Variants in DYNC1H1 observed in about 807,000 individuals in gnomAD.
DYNC1H1 encodes the protein dynein cytoplasmic 1 heavy chain 1, also known as cytoplasmic dynein 1 heavy chain 1.
In DYNC1H1, 51 loss-of-function variants were observed where a neutral mutation model predicts 527.1. That is an observed-to-expected ratio of 0.10 (90% CI 0.08 to 0.12). The LOEUF (loss-of-function observed/expected upper bound fraction) is 0.12. Among genes scored for constraint, DYNC1H1 ranks in the 10% least tolerant of loss-of-function variants. The probability of loss-of-function intolerance (pLI) is 1.00; values close to 1 mark genes in which losing one functional copy is unlikely to be tolerated. For synonymous variants in DYNC1H1, 2,189 were observed against 2,278.8 expected, an observed-to-expected ratio of 0.96 and a Z score of 1.12; for missense variants, 2,771 against 5,971.8, an observed-to-expected ratio of 0.46 and a Z score of 17.66.
In DYNC1H1 at chr14:101,982,117, C is replaced by T. The variant is rs557410435; in HGVS notation, c.962-902C>T. On this transcript the variant is annotated intron_variant, in intron 5 of 77. Coordinates refer to ENST00000360184, the MANE Select transcript of DYNC1H1 (RefSeq NM_001376.5). ...TGGCGGCATTAGATTCTCATAGGGG[C>T]GCAAACCCTGTTGTGAACTGCGCAC... Among the ~76,000 whole-genome samples the T allele has an allele frequency of 1.1e-4, 16 of 152,200 alleles. No homozygotes were observed. In the East Asian group the frequency reaches 2.3e-3, roughly 22 times the overall value.
At chr14:101,989,281 A>G (rs1222713585) in intron 10 of DYNC1H1, among the ~76,000 whole-genome samples, 1 of 152,244 alleles carries the variant, frequency 6.6e-6, no homozygotes, top group African/African-American at 2.4e-5. Flanking sequence ...ACTGCATGTA[A>G]TCCACCAGAA....
In DYNC1H1 at chr14:102,040,340, C is replaced by T. The variant is rs752716582; in HGVS notation, c.11795C>T (p.Ala3932Val). The T allele has an allele frequency of 4.0e-5, 65 of 1,614,014 alleles. No homozygotes were observed. The highest frequency in any genetic ancestry group is 1.6e-4 in the Middle Eastern group (1 of 6,084). The change falls in exon 63 of 78, where the codon GCG becomes GTG. Residue 3932 changes from alanine to valine, a missense_variant. Around this residue, in one of 32 missense-constraint regions of DYNC1H1, gnomAD observed 120 missense variants for 161.9 expected, o/e 0.74. Coordinates refer to ENST00000360184, the MANE Select transcript of DYNC1H1 (RefSeq NM_001376.5). ...ATCCAGGGCCTGACTGTGGAGCAGG[C>T]GGAGGCGGTGGTGAGGCTGAGCTGC... ...PRIQGLTVEQ[A>V]EAVVRLSCLP...
chr14:101,979,231 C>T lies in DYNC1H1; in HGVS notation c.345-88C>T. 1.5e-6 allele frequency: 2 copies of T among 1,330,154 alleles called. No homozygotes were observed. The highest frequency in any genetic ancestry group is 2.1e-6 in the Non-Finnish European group (2 of 939,744). The allele number at this position is 1,330,154 out of a possible 1,614,324, so 82.4% of individuals were successfully genotyped here. The stretch of plus-strand genomic sequence containing the variant: ...GCATTTCACTATTAGAAAAGCAACA[C>T]TTCAGTATATTCTTGTATGATTTTT... On this transcript the variant is annotated intron_variant, in intron 2 of 77. Coordinates refer to ENST00000360184, the MANE Select transcript of DYNC1H1 (RefSeq NM_001376.5). The surrounding 1 kb of genome is among the most constrained non-coding windows in gnomAD (Gnocchi z 4.6).
chr14:102,002,973 C>T lies in DYNC1H1; in HGVS notation c.4883+8C>T. Reference sequence around the variant, plus strand: ...GCGGTCATCTTTCCCCAGGTAAGATCCTTGCTTTGACTTGGCCTGGAGTCA... The same window carrying T: ...GCGGTCATCTTTCCCCAGGTAAGATTCTTGCTTTGACTTGGCCTGGAGTCA... On this transcript the variant is annotated splice_region_variant and intron_variant, in intron 23 of 77. Transcript: ENST00000360184. The surrounding 1 kb of genome is among the most constrained non-coding windows in gnomAD (Gnocchi z 4.4). 1 of 1,613,940 alleles carries T rather than the reference C, an allele frequency of 6.2e-7. No individual in the cohort carries two copies. The highest frequency in any genetic ancestry group is 1.3e-5 in the African/African-American group (1 of 75,050).
chr14:102,009,852 C>A lies in DYNC1H1; in HGVS notation c.5987C>A (p.Pro1996His). 6.2e-7 allele frequency: 1 copy of A among 1,614,108 alleles called. No individual in the cohort carries two copies. The highest frequency in any genetic ancestry group is 8.5e-7 in the Non-Finnish European group (1 of 1,180,032). ...ATCATCTCATTCTCAGCCTCTGCCC[C>A]CATTACTTGTGAGCTGCTGAACAAA... The part of the protein sequence containing the change: ...SNPNYDKTSA[P>H]ITCELLNKQV... The change falls in exon 30 of 78, where the codon CCC becomes CAC. Residue 1996 changes from proline (P) to histidine (H), a missense_variant. By Grantham distance (77) the Pro-to-His change is moderately conservative. Around this residue, in one of 32 missense-constraint regions of DYNC1H1, gnomAD observed 39 missense variants for 38.8 expected, o/e 1.00. Transcript: ENST00000360184.
chr14:102,018,678 TG>T lies in DYNC1H1; in HGVS notation c.8343+64del. The T allele has an allele frequency of 6.3e-7, 1 of 1,583,448 alleles. No individual in the cohort carries two copies. Among genetic ancestry groups the T allele is most frequent in the East Asian group, 2.3e-5 (1 of 44,072 alleles). ...TCCTCTCATAATTAAGGCACTCGAT[TG>T]GTCAGGTGTGGTGGTTCACACCTGT... On this transcript the variant is annotated intron_variant, in intron 41 of 77. Coordinates refer to ENST00000360184, the MANE Select transcript of DYNC1H1 (RefSeq NM_001376.5). This position sits in a 1 kb window ranked among gnomAD's most constrained non-coding sequence, Gnocchi z 5.2.
In DYNC1H1 at chr14:102,051,916, T is replaced by A. The variant is rs1019274783; in HGVS notation, c.*1353T>A. The A allele has an allele frequency of 2.0e-5, 3 of 152,284 alleles. No homozygotes were observed. Among genetic ancestry groups the A allele is most frequent in the African/African-American group, 7.2e-5 (3 of 41,458 alleles). 9.4% of individuals were successfully genotyped at this position (152,284 alleles called of 1,614,324 possible). A position where few individuals can be genotyped will look rare whatever the true frequency, so the allele number is the denominator to read the frequency against. ...GTTGGCCAGGCTGGTCTCAAACTCC[T>A]GGCCTCAGCCAGTGATCCTCCTGCC... On this transcript the variant is annotated 3_prime_UTR_variant, in exon 78 of 78. Transcript: ENST00000360184.
intron 74 of DYNC1H1, 127 bp downstream of exon 74, chr14:102,048,796 T>G: frequency 3.1e-6 from 2 of 638,834 alleles, no homozygotes; most frequent in Non-Finnish European, 4.7e-6. Flanking sequence ...AGAGCAGCTC[T>G]GTGCTCTTAC....
At chr14:101,996,763 A>G (rs2048067410) in intron 15 of DYNC1H1, among the ~76,000 whole-genome samples, 1 of 152,072 alleles carries the variant, frequency 6.6e-6, no homozygotes, top group Non-Finnish European at 1.5e-5. Context: ...CTGGGACTAC[A>G]GATACATGCC....
chr14:101,981,185 A>G (rs950344024), intron 5 of DYNC1H1, among the ~76,000 whole-genome samples: 2 of 152,090 alleles, frequency 1.3e-5, no homozygotes, highest in Non-Finnish European at 1.5e-5. Flanking sequence ...ATGTGGTGGC[A>G]TAATCATAGC....
In DYNC1H1 at chr14:102,017,268, C is replaced by T; in HGVS notation, c.8029C>T (p.Gln2677Ter). ...NLPDMDKYGT[Q>*]RVISFIRQMV... ...GCCAGATATGGATAAATATGGGACC[C>T]AGAGGGTCATATCCTTCATCAGACA... The change falls in exon 39 of 78, where the codon CAG (glutamine) becomes TAG (stop). Residue 2677 changes from glutamine to a stop codon, truncating the protein, a stop_gained. Coordinates refer to ENST00000360184, the MANE Select transcript of DYNC1H1 (RefSeq NM_001376.5). LOFTEE classifies it high-confidence loss of function. The surrounding 1 kb of genome is among the most constrained non-coding windows in gnomAD (Gnocchi z 4.6). The T allele has an allele frequency of 6.2e-7, 1 of 1,614,224 alleles. No individual in the cohort carries two copies. The highest frequency in any genetic ancestry group is 8.5e-7 in the Non-Finnish European group (1 of 1,180,040).
chr14:102,031,434 C>T (rs2048509260), intron 51 of DYNC1H1, among the ~76,000 whole-genome samples: 1 of 152,006 alleles, frequency 6.6e-6, no homozygotes, highest in African/African-American at 2.4e-5. Context: ...AGGGTTTTGC[C>T]ATATTGCCCA....
chr14:102,039,830 C>T lies in DYNC1H1; in HGVS notation c.11690+98C>T. 1 of 1,383,854 alleles carries T rather than the reference C, an allele frequency of 7.2e-7. No homozygotes were observed. Among genetic ancestry groups the T allele is most frequent in the Non-Finnish European group, 1.0e-6 (1 of 999,112 alleles). 85.7% of individuals were successfully genotyped at this position (1,383,854 alleles called of 1,614,324 possible). ...GCTTTTATTATTTCTTTTATTTTCT[C>T]TTTTATTTTCTTTATTTTATTTTTT... On this transcript the variant is annotated intron_variant, in intron 62 of 77. Transcript: ENST00000360184. This position sits in a 1 kb window ranked among gnomAD's most constrained non-coding sequence, Gnocchi z 7.0.
At chr14:101,990,448 T>C (rs1314131684) in intron 10 of DYNC1H1, among the ~76,000 whole-genome samples, 5 of 152,160 alleles carry the variant, frequency 3.3e-5, no homozygotes, top group East Asian at 1.9e-4. Context: ...GTCTGACTTA[T>C]GTTCTTTTGG....
rs765364251 is a variant in DYNC1H1, at chr14:102,005,022, CT to C, written c.5239-18del. ...AATCTTTAAAATGATCCTTTGGGAT[CT>C]TGTTTCTGTGTCTTTCAGGCCCAGC... On this transcript the variant is annotated intron_variant, in intron 25 of 77. Transcript: ENST00000360184. This position sits in a 1 kb window ranked among gnomAD's most constrained non-coding sequence, Gnocchi z 4.0. 1.2e-6 allele frequency: 2 copies of C among 1,614,052 alleles called. No homozygotes were observed. The highest frequency in any genetic ancestry group is 2.2e-5 in the South Asian group (2 of 91,076).
rs2152591692 is a variant in DYNC1H1 at position 102,033,153 on chromosome 14, G to A, written c.10168G>A (p.Gly3390Ser). 6.2e-7 allele frequency: 1 copy of A among 1,614,150 alleles called. No homozygotes were observed. The highest frequency in any genetic ancestry group is 8.5e-7 in the Non-Finnish European group (1 of 1,180,028). ...TGTGAATCGGGCTTCCCTGGCTTGC[G>A]GCCCTATGGTGAAATGGGCAATTGC... ...EIVNRASLACGPMVKWAIAQL... is the reference protein window; with the variant it reads ...EIVNRASLACSPMVKWAIAQL... Residue 3390 changes from glycine to serine, a missense_variant, in exon 53 of 78, where the codon GGC becomes AGC. This residue lies in a region of DYNC1H1 where 283 missense variants were observed against 737.6 expected (regional missense o/e 0.38). Transcript: ENST00000360184. The surrounding 1 kb of genome is among the most constrained non-coding windows in gnomAD (Gnocchi z 5.6).
At position 102,012,157 on chromosome 14, in the gene DYNC1H1, C is replaced by T. The variant is rs2048265482; in HGVS notation, c.6857+44C>T. 2.5e-6 allele frequency: 4 copies of T among 1,611,708 alleles called. No homozygotes were observed. The highest frequency in any genetic ancestry group is 3.4e-6 in the Non-Finnish European group (4 of 1,178,044). On this transcript the variant is annotated intron_variant, in intron 33 of 77. Coordinates refer to ENST00000360184, the MANE Select transcript of DYNC1H1 (RefSeq NM_001376.5). The surrounding 1 kb of genome is among the most constrained non-coding windows in gnomAD (Gnocchi z 4.9). ...GTGTTTGTGTTCTCCTGGATATGGG[C>T]GCTAAGTACTTTGCTCTCACAAGAG... is the stretch of plus-strand genomic sequence containing the variant.
Position 102,005,770 on chromosome 14 carries a change from T to C in DYNC1H1, c.5434-118T>C, listed in dbSNP as rs982584011. 14 of 1,292,738 alleles carry C rather than the reference T, an allele frequency of 1.1e-5. No individual in the cohort carries two copies. The highest frequency in any genetic ancestry group is 1.6e-5 in the Non-Finnish European group (14 of 899,622). 80.1% of individuals were successfully genotyped at this position (1,292,738 alleles called of 1,614,324 possible). On this transcript the variant is annotated intron_variant, in intron 26 of 77. Coordinates refer to ENST00000360184, the MANE Select transcript of DYNC1H1 (RefSeq NM_001376.5). This position sits in a 1 kb window ranked among gnomAD's most constrained non-coding sequence, Gnocchi z 4.0. ...TGAATTTGCCTTTTGGAACATTTAC[T>C]GAAAGCCATTGTAACTGGACCTAGA...
At chr14:102,045,886 GC>G in intron 72 of DYNC1H1, among the ~76,000 whole-genome samples, 1 of 152,210 alleles carries the variant, frequency 6.6e-6, no homozygotes, top group East Asian at 1.9e-4. Context: ...CAGGTTCCCA[GC>G]CGGGCACGGT....
Sources: gnomAD v4.1 joint callset for allele counts (sites outside exome capture counted in the v4.1 genomes callset) on GRCh38, gnomAD v4.1.1 for gene constraint, gnomAD v4.1.1 regional missense constraint, Gnocchi (gnomAD v3.1) non-coding constraint, MANE v1.5 for transcripts, NCBI Gene and HGNC (gene_info 2026-07-23, HGNC 2026-07-21) for gene names.